Variants in SAMD5 observed in about 807,000 individuals in gnomAD.
The protein encoded by SAMD5 is sterile alpha motif domain containing 5.
A neutral mutation model predicts 11.3 loss-of-function variants in SAMD5; 13 were observed. The observed-to-expected ratio is 1.15, with a 90% CI of 0.75 to 1.83. SAMD5 has a LOEUF of 1.83. SAMD5 is among the 40% of genes most tolerant of loss of function. The pLI is 0.00. For missense variants in SAMD5, 255 were observed against 239.1 expected, an observed-to-expected ratio of 1.07 and a Z score of -0.44; for synonymous variants, 129 against 111.3, an observed-to-expected ratio of 1.16 and a Z score of -1.00.
the SAMD5 span, among the ~76,000 whole-genome samples, chr6:147,928,010 T>G: frequency 6.6e-6 from 1 of 152,240 alleles, no homozygotes; most frequent in Non-Finnish European, 1.5e-5. Flanking sequence ...ATCCCAGGGA[T>G]GAAGCCTACT....
At chr6:147,917,295 C>A in the SAMD5 span, among the ~76,000 whole-genome samples, 1 of 146,580 alleles carries the variant, frequency 6.8e-6, no homozygotes, top group Non-Finnish European at 1.5e-5. Flanking sequence ...ATTTGCATTT[C>A]TCTGATGGCC....
chr6:147,868,598 G>A, the SAMD5 span, among the ~76,000 whole-genome samples: 2 of 152,122 alleles, frequency 1.3e-5, no homozygotes, highest in Non-Finnish European at 2.9e-5. Context: ...AAAAGAAAAA[G>A]CCACTCTGTG....
At chr6:147,845,235 T>C in the SAMD5 span, among the ~76,000 whole-genome samples, 1 of 152,116 alleles carries the variant, frequency 6.6e-6, no homozygotes, top group Non-Finnish European at 1.5e-5. Context: ...ATAAACCTCA[T>C]ACCTTATACA....
chr6:147,848,515 C>A, the SAMD5 span, among the ~76,000 whole-genome samples: 1 of 152,120 alleles, frequency 6.6e-6, no homozygotes, highest in Non-Finnish European at 1.5e-5. Flanking sequence ...TTTCAATATC[C>A]TCAATTTAAA....
At chr6:147,760,932 A>C in the SAMD5 span, among the ~76,000 whole-genome samples, 1 of 152,248 alleles carries the variant, frequency 6.6e-6, no homozygotes, top group Admixed American at 6.5e-5. Flanking sequence ...TTGACAAATA[A>C]ATTACTTCGA....
chr6:147,540,110 G>T (rs1017354253), intron 1 of SAMD5, among the ~76,000 whole-genome samples: 1 of 151,800 alleles, frequency 6.6e-6, no homozygotes, highest in Admixed American at 6.6e-5. Context: ...TCTTTTACAA[G>T]ATTTAGAATG....
chr6:147,841,072 T>C, the SAMD5 span, among the ~76,000 whole-genome samples: 1 of 152,196 alleles, frequency 6.6e-6, no homozygotes, highest in South Asian at 2.1e-4. Context: ...AGAAGAGTTA[T>C]TTTTCTAGGG....
the SAMD5 span, among the ~76,000 whole-genome samples, chr6:147,816,291 A>ATAT: frequency 3.7e-4 from 34 of 92,408 alleles, no homozygotes; most frequent in African/African-American, 1.8e-3. Flanking sequence ...CAAAAAAAAA[A>ATAT]AAAAAAAAAA....
At chr6:147,747,501 G>A in the SAMD5 span, among the ~76,000 whole-genome samples, 7 of 151,916 alleles carry the variant, frequency 4.6e-5, no homozygotes, top group East Asian at 1.9e-4. Flanking sequence ...TTGCCAAGCC[G>A]TGATTTTTTA....
chr6:147,725,595 G>A (rs1208095981), intron 1 of SAMD5, among the ~76,000 whole-genome samples: 1 of 152,102 alleles, frequency 6.6e-6, no homozygotes, highest in African/African-American at 2.4e-5. Context: ...CACCGTGTTG[G>A]CCAGGCTGGT....
the SAMD5 span, among the ~76,000 whole-genome samples, chr6:147,834,387 C>G: frequency 6.6e-6 from 1 of 152,168 alleles, no homozygotes; most frequent in Non-Finnish European, 1.5e-5. Context: ...TTTGAAGAAG[C>G]ATTCATCTTC....
intron 1 of SAMD5, among the ~76,000 whole-genome samples, chr6:147,628,817 T>C (rs930214422): frequency 5.9e-5 from 9 of 152,182 alleles, no homozygotes; most frequent in African/African-American, 2.2e-4. Context: ...CACTGGTCTA[T>C]GTGATGACAT....
At chr6:147,947,269 T>G in the SAMD5 span, among the ~76,000 whole-genome samples, 1 of 152,172 alleles carries the variant, frequency 6.6e-6, no homozygotes, top group South Asian at 2.1e-4. Context: ...AACAACATGG[T>G]GCTGTCTTGT....
chr6:147,709,078 T>C (rs1163389306), intron 1 of SAMD5, among the ~76,000 whole-genome samples: 1 of 152,216 alleles, frequency 6.6e-6, no homozygotes, highest in Non-Finnish European at 1.5e-5. Context: ...AAATATCAGC[T>C]TTACATGCCA....
chr6:147,804,314 G>C, the SAMD5 span, among the ~76,000 whole-genome samples: 50 of 152,076 alleles, frequency 3.3e-4, no homozygotes, highest in East Asian at 6.4e-3. Flanking sequence ...GTTTCACCAT[G>C]TTGGCCAGGC....
chr6:147,834,749 C>G, the SAMD5 span, among the ~76,000 whole-genome samples: 1 of 152,194 alleles, frequency 6.6e-6, no homozygotes, highest in Non-Finnish European at 1.5e-5. Flanking sequence ...TGTATTTGAA[C>G]ACTTGCACTA....
At chr6:147,861,140 T>C in the SAMD5 span, among the ~76,000 whole-genome samples, 2 of 152,040 alleles carry the variant, frequency 1.3e-5, no homozygotes, top group Non-Finnish European at 1.5e-5. Flanking sequence ...GAAAGCCCTT[T>C]CTCCATTTCT....
rs1283266558 is a variant in SAMD5, at chr6:147,547,968, CT to C, written c.460-16422del. Among the ~76,000 whole-genome samples the C allele has an allele frequency of 1.4e-4, 22 of 152,230 alleles. No homozygotes were observed. The East Asian group carries it at 1.7e-3, about 12-fold the overall frequency. On this transcript the variant is annotated intron_variant, in intron 1 of 1. Coordinates refer to ENST00000367474, the MANE Select transcript of SAMD5 (RefSeq NM_001030060.3). ...CTGGTGGGGAGAGAATATGAATTTT[CT>C]TTTAAAGGCTTCTTGATATACAGAA...
the SAMD5 span, among the ~76,000 whole-genome samples, chr6:147,907,972 G>A: frequency 6.6e-6 from 1 of 152,080 alleles, no homozygotes; most frequent in Admixed American, 6.5e-5. Flanking sequence ...AATTTCAAAG[G>A]TGTAACTGAG....
Sources: allele counts gnomAD v4.1 joint callset (sites outside exome capture counted in the v4.1 genomes callset), GRCh38; gene constraint gnomAD v4.1.1; transcripts MANE v1.5; gene names NCBI Gene and HGNC (gene_info 2026-07-23, HGNC 2026-07-21).